The following RANBP17 variants were observed in gnomAD, a reference collection of about 807,000 sequenced individuals.
RANBP17 encodes ran-binding protein 17.
A neutral mutation model predicts 141.2 loss-of-function variants in RANBP17; 158 were observed. The observed-to-expected ratio is 1.12, with a 90% CI of 0.98 to 1.28. The LOEUF (loss-of-function observed/expected upper bound fraction) is 1.28, where lower values mean the gene tolerates loss of function less well. Among genes scored for constraint, RANBP17 ranks in the 50% most tolerant of loss-of-function variants. RANBP17 has a pLI of 0.00. For synonymous variants in RANBP17, 430 were observed against 450.0 expected (o/e 0.96, Z 0.56); for missense variants, 1,438 against 1,290.7 (o/e 1.11, Z -1.75).
chr5:170,929,109 CTTAAT>C (rs1160179321), intron 12 of RANBP17, among the ~76,000 whole-genome samples: 4 of 151,952 alleles, frequency 2.6e-5, no homozygotes, highest in African/African-American at 9.7e-5. Context: ...TATAACTTTG[CTTAAT>C]TTATTAGTTC....
intron 14 of RANBP17, among the ~76,000 whole-genome samples, chr5:171,007,797 A>T (rs1045784517): frequency 1.3e-5 from 2 of 152,190 alleles, no homozygotes; most frequent in Non-Finnish European, 2.9e-5. Flanking sequence ...CTTAGATTTT[A>T]GGTCAGGCAA....
At chr5:171,023,184 G>A (rs1780997099) in intron 14 of RANBP17, among the ~76,000 whole-genome samples, 1 of 152,146 alleles carries the variant, frequency 6.6e-6, no homozygotes, top group South Asian at 2.1e-4. Context: ...TTTTTAATGG[G>A]ACCCTCTGAA....
chr5:171,081,090 T>A (rs1320616064), intron 14 of RANBP17, among the ~76,000 whole-genome samples: 2 of 152,196 alleles, frequency 1.3e-5, no homozygotes, highest in Non-Finnish European at 2.9e-5. Context: ...TGACTAGTGA[T>A]AGAACTGATA....
At chr5:171,186,709 T>C (rs1422352639) in intron 18 of RANBP17, among the ~76,000 whole-genome samples, 3 of 150,708 alleles carry the variant, frequency 2.0e-5, no homozygotes, top group African/African-American at 7.3e-5. Flanking sequence ...GCTAATTTTT[T>C]GTATTTTTAG....
At chr5:171,285,374 G>A (rs1768107449) in intron 25 of RANBP17, among the ~76,000 whole-genome samples, 1 of 152,202 alleles carries the variant, frequency 6.6e-6, no homozygotes, top group South Asian at 2.1e-4. Context: ...GAAGTACCAT[G>A]AACCAAAAAT....
Position 170,902,830 on chromosome 5 carries a change from T to G in RANBP17, c.489+6715T>G, listed in dbSNP as rs1295950837. 2.0e-5 allele frequency among the ~76,000 whole-genome samples: 3 copies of G among 152,214 alleles called. No individual in the cohort carries two copies. In the East Asian group the frequency reaches 5.8e-4, roughly 29 times the overall value. On this transcript the variant is annotated intron_variant, in intron 5 of 27. Coordinates refer to ENST00000523189, the MANE Select transcript of RANBP17 (RefSeq NM_022897.5). ...CTGGAGGTTCACTCCAGACCCTGTT[T>G]GCCTCGGTATCACCAGCGGAGGCTG...
At chr5:170,945,916 G>A (rs1490901014) in intron 12 of RANBP17, among the ~76,000 whole-genome samples, 2 of 152,106 alleles carry the variant, frequency 1.3e-5, no homozygotes, top group African/African-American at 2.4e-5. Context: ...AACAGTTCAG[G>A]GTTAGGACTC....
rs573747569 is a variant in RANBP17 at position 170,953,745 on chromosome 5, T to TA, written c.1574+51dup. 1.6e-3 allele frequency: 1,998 copies of TA among 1,284,656 alleles called. 3 individuals carry two copies. The highest frequency in any genetic ancestry group is 1.8e-3 in the Non-Finnish European group (1,637 of 890,246). 79.6% of individuals were successfully genotyped at this position (1,284,656 alleles called of 1,614,324 possible). A position where few individuals can be genotyped will look rare whatever the true frequency, so the allele number is the denominator to read the frequency against. ...AATTTACTGAAATTCACTAAATAGTTAAAAAAAATTAGTTATTGAACTAGT... is the reference window on the plus strand; with the variant it reads ...AATTTACTGAAATTCACTAAATAGTTAAAAAAAAATTAGTTATTGAACTAGT... On this transcript the variant is annotated intron_variant, in intron 13 of 27. Coordinates refer to ENST00000523189, the MANE Select transcript of RANBP17 (RefSeq NM_022897.5).
In RANBP17 at chr5:171,048,826, C is replaced by A. The variant is rs1782763746; in HGVS notation, c.1710+80449C>A. 3.3e-5 allele frequency among the ~76,000 whole-genome samples: 5 copies of A among 152,212 alleles called. No homozygotes were observed. The South Asian group carries it at 1.0e-3, about 32-fold the overall frequency. On this transcript the variant is annotated intron_variant, in intron 14 of 27. Transcript: ENST00000523189. ...GGGCATAATCTCATTTTTTTAATGG[C>A]TGCATAGTAGTGCACAGTGTGTATG... is the stretch of plus-strand genomic sequence containing the variant.
rs114978270 is a variant in RANBP17, at chr5:171,237,755, G to A, written c.2423-3173G>A. Among the ~76,000 whole-genome samples, 1,138 of 152,280 alleles carry A rather than the reference G, an allele frequency of 7.5e-3. 13 individuals are homozygous for A. Among genetic ancestry groups the A allele is most frequent in the African/African-American group, 0.026 (1,077 of 41,566 alleles). On this transcript the variant is annotated intron_variant, in intron 22 of 27. Transcript: ENST00000523189. ...GCCATCATCTCCTAGCTGTCCATCA[G>A]TGCAATGTAGATCTCCCTCTTAGGA...
intron 21 of RANBP17, among the ~76,000 whole-genome samples, chr5:171,214,136 C>A (rs555737010): frequency 1.3e-5 from 2 of 152,278 alleles, no homozygotes; most frequent in East Asian, 3.9e-4. Flanking sequence ...GATAAGGAAA[C>A]TGGTTCTCAC....
chr5:171,252,876 C>T, intron 24 of RANBP17: 1 of 1,383,554 alleles, frequency 7.2e-7, no homozygotes, highest in Middle Eastern at 2.5e-4. Flanking sequence ...TTGATGACGA[C>T]ATTGTAGAAA....
At chr5:171,064,223 A>T (rs1047377647) in intron 14 of RANBP17, among the ~76,000 whole-genome samples, 2 of 152,172 alleles carry the variant, frequency 1.3e-5, no homozygotes, top group African/African-American at 4.8e-5. Flanking sequence ...AGTACCTCAG[A>T]TGGAAATGCA....
At chr5:170,952,951 G>A (rs1381537207) in intron 12 of RANBP17, among the ~76,000 whole-genome samples, 1 of 152,000 alleles carries the variant, frequency 6.6e-6, no homozygotes, top group Non-Finnish European at 1.5e-5. Context: ...GAAAACTGTA[G>A]ATGTTGCCAT....
At chr5:171,037,479 T>C (rs1156362608) in intron 14 of RANBP17, among the ~76,000 whole-genome samples, 1 of 152,216 alleles carries the variant, frequency 6.6e-6, no homozygotes, top group East Asian at 1.9e-4. Context: ...TCTGTTACAA[T>C]TGCTTATGAG....
chr5:171,066,044 T>C (rs893310306), intron 14 of RANBP17, among the ~76,000 whole-genome samples: 2 of 151,968 alleles, frequency 1.3e-5, no homozygotes, highest in African/African-American at 2.4e-5. Flanking sequence ...GTATTTTTAG[T>C]AGAGACAGGA....
chr5:170,976,349 C>T (rs1179595681), intron 14 of RANBP17, among the ~76,000 whole-genome samples: 2 of 152,068 alleles, frequency 1.3e-5, no homozygotes, highest in Non-Finnish European at 2.9e-5. Context: ...GATGTAATAA[C>T]TGGAAAGATA....
intron 14 of RANBP17, among the ~76,000 whole-genome samples, chr5:171,069,665 G>A (rs56738397): frequency 0.026 from 4,029 of 152,276 alleles, 161 homozygotes; most frequent in African/African-American, 0.091. Flanking sequence ...TAGAGTTTGT[G>A]TTAGGTGCTT....
At chr5:171,048,097 T>TA (rs1259179014) in intron 14 of RANBP17, among the ~76,000 whole-genome samples, 1 of 152,192 alleles carries the variant, frequency 6.6e-6, no homozygotes, top group Admixed American at 6.5e-5. Context: ...TTAATTGAGA[T>TA]AGAGTCTCAT....
Sources: gnomAD v4.1 joint callset for allele counts (sites outside exome capture counted in the v4.1 genomes callset) on GRCh38, gnomAD v4.1.1 for gene constraint, MANE v1.5 for transcripts, NCBI Gene and HGNC (gene_info 2026-07-23, HGNC 2026-07-21) for gene names.